Variants in RTN4 observed in about 807,000 individuals in gnomAD.
The protein encoded by RTN4 is reticulon-4.
In RTN4, 32 loss-of-function variants were observed where a neutral mutation model predicts 90.4. The ratio of observed to expected loss-of-function variants is 0.35; its 90% CI spans 0.27 to 0.48. RTN4 has a LOEUF of 0.48. Ranked by LOEUF, RTN4 falls within the 20% of genes least tolerant of loss-of-function variation. The pLI is 0.99. For missense variants in RTN4, 1,706 were observed against 1,430.2 expected (o/e 1.19, Z -3.11); for synonymous variants, 629 against 552.5 (o/e 1.14, Z -1.94).
At chr2:54,994,543 A>C (rs1358811023) in intron 3 of RTN4, among the ~76,000 whole-genome samples, 1 of 152,216 alleles carries the variant, frequency 6.6e-6, no homozygotes, top group African/African-American at 2.4e-5. Context: ...TCAAGATAAA[A>C]CATTTAACAT....
chr2:55,094,060 A>G (rs1668989353), intron 1 of RTN4, among the ~76,000 whole-genome samples: 1 of 152,216 alleles, frequency 6.6e-6, no homozygotes, highest in African/African-American at 2.4e-5. Context: ...TATGGACTGA[A>G]TCATGTTCCC....
intron 1 of RTN4, among the ~76,000 whole-genome samples, chr2:55,042,743 G>A (rs1683160697): frequency 6.6e-6 from 1 of 152,148 alleles, no homozygotes; most frequent in Non-Finnish European, 1.5e-5. Flanking sequence ...ATGAAGATCA[G>A]CATCTTTCTC....
chr2:55,058,406 G>A (rs761048643), intron 2 of RTN4, among the ~76,000 whole-genome samples: 4 of 152,190 alleles, frequency 2.6e-5, no homozygotes, highest in Non-Finnish European at 4.4e-5. Context: ...TGTAGGTGGT[G>A]ATAATGTTAA....
chr2:55,134,651 T>C, the RTN4 span, among the ~76,000 whole-genome samples: 1 of 152,010 alleles, frequency 6.6e-6, no homozygotes, highest in Non-Finnish European at 1.5e-5. Context: ...GAAGAAAGGG[T>C]GGGTGAAGCG....
At chr2:54,982,756 T>A in intron 4 of RTN4, 103 bp from the exon 5 acceptor site, 1 of 1,315,058 alleles carries the variant, frequency 7.6e-7, no homozygotes, top group South Asian at 1.5e-5. Flanking sequence ...AATATTCTAC[T>A]ATAAAAGCCA....
chr2:55,096,287 T>C (rs1436111372), intron 1 of RTN4, among the ~76,000 whole-genome samples: 1 of 151,450 alleles, frequency 6.6e-6, no homozygotes, highest in Non-Finnish European at 1.5e-5. Flanking sequence ...TATCACACCA[T>C]TGCACTCCAG....
intron 2 of RTN4, 110 bp downstream of exon 2, chr2:55,028,054 C>T (rs758072089): frequency 6.7e-5 from 60 of 894,276 alleles, no homozygotes; most frequent in Non-Finnish European, 9.0e-5. Context: ...AAAACATTCT[C>T]GGAACCATGC....
chr2:55,027,084 T>C lies in RTN4; in HGVS notation c.1015A>G (p.Ile339Val), dbSNP rs202210731. The C allele has an allele frequency of 4.3e-6, 7 of 1,613,264 alleles. No individual in the cohort carries two copies. The highest frequency in any genetic ancestry group is 1.7e-4 in the Middle Eastern group (1 of 6,058). Reference sequence around the variant, plus strand: ...GGTAACTCTTGTTGATTATGAAGGATGTTATTACTAACTAACTTCTCTTCT... The same window carrying C: ...GGTAACTCTTGTTGATTATGAAGGACGTTATTACTAACTAACTTCTCTTCT... ...DEEEKLVSNN[I>V]LHNQQELPTA... The change falls in exon 3 of 9, where the codon ATC becomes GTC. Residue 339 changes from isoleucine (I) to valine (V), a missense_variant. Coordinates refer to ENST00000337526, the MANE Select transcript of RTN4 (RefSeq NM_020532.5).
At chr2:55,115,097 A>G (rs757415835), upstream of RTN4, among the ~76,000 whole-genome samples, 9 of 152,312 alleles carry the variant, frequency 5.9e-5, no homozygotes, top group Admixed American at 2.6e-4. Context: ...TAAATTATGC[A>G]TATTAGCTTT....
chr2:55,041,244 A>C (rs1187121977), intron 1 of RTN4, among the ~76,000 whole-genome samples: 1 of 152,118 alleles, frequency 6.6e-6, no homozygotes, highest in African/African-American at 2.4e-5. Context: ...TTATATGCTA[A>C]ATTTTTTTTA....
intron 1 of RTN4, 102 bp from the exon 2 acceptor site, chr2:55,028,322 C>A: frequency 3.0e-6 from 3 of 985,494 alleles, no homozygotes; most frequent in African/African-American, 1.7e-5. Flanking sequence ...AATAAGTTAA[C>A]AAAAAACTTT....
At chr2:54,986,359 C>G (rs920916078) in intron 4 of RTN4, among the ~76,000 whole-genome samples, 3 of 152,184 alleles carry the variant, frequency 2.0e-5, no homozygotes, top group African/African-American at 7.2e-5. Context: ...GATAGTTAAG[C>G]ATTTTAGGCT....
exon 1 of RTN4, chr2:55,112,583 G>T (rs1044660661): frequency 1.3e-5 from 2 of 152,270 alleles, no homozygotes; most frequent in African/African-American, 4.8e-5. Context: ...CTGGAGCCGG[G>T]CTGCCTCAGC....
intron 3 of RTN4, among the ~76,000 whole-genome samples, chr2:55,004,220 C>A (rs554847146): frequency 6.6e-6 from 1 of 152,076 alleles, no homozygotes; most frequent in African/African-American, 2.4e-5. Context: ...GAGGACAATA[C>A]GAAAGAAGTA....
intron 3 of RTN4, among the ~76,000 whole-genome samples, chr2:55,024,478 GTGCAAATCACCTTA>G (rs1470624353): frequency 6.6e-6 from 1 of 152,076 alleles, no homozygotes; most frequent in African/African-American, 2.4e-5. Context: ...AAATCACCTT[GTGCAAATCACCTTA>G]TGCAAATCAG....
intron 1 of RTN4, among the ~76,000 whole-genome samples, chr2:55,083,726 G>T (rs1668778366): frequency 6.6e-6 from 1 of 152,222 alleles, no homozygotes; most frequent in African/African-American, 2.4e-5. Flanking sequence ...TTAAAATGGG[G>T]ACTAGATCCT....
intron 2 of RTN4, among the ~76,000 whole-genome samples, chr2:55,066,188 T>G (rs1462306028): frequency 1.6e-5 from 1 of 63,020 alleles, no homozygotes; most frequent in Non-Finnish European, 4.1e-5. Flanking sequence ...TGTGTGTGTG[T>G]GTGTTTGTGT....
intron 2 of RTN4, chr2:55,060,489 C>T (rs1479282507): frequency 1.3e-5 from 2 of 152,240 alleles, no homozygotes; most frequent in African/African-American, 4.8e-5. Flanking sequence ...CCTTTATCAT[C>T]CTCACATATT....
chr2:55,012,767 A>AC (rs1447385827), intron 3 of RTN4, among the ~76,000 whole-genome samples: 2 of 152,128 alleles, frequency 1.3e-5, no homozygotes, highest in Non-Finnish European at 2.9e-5. Flanking sequence ...CTAGGCAATA[A>AC]CCCAATCTTT....
Sources: gnomAD v4.1 joint callset for allele counts (sites outside exome capture counted in the v4.1 genomes callset) on GRCh38, gnomAD v4.1.1 for gene constraint, MANE v1.5 for transcripts, NCBI Gene and HGNC (gene_info 2026-07-23, HGNC 2026-07-21) for gene names.